KLRG1: variants seen among roughly 807,000 people sequenced by gnomAD.
The protein encoded by KLRG1 is killer cell lectin-like receptor subfamily G member 1.
Under a neutral mutation model 21.8 loss-of-function variants are expected in KLRG1, and 16 were observed. The observed-to-expected ratio is 0.73, with a 90% confidence interval of 0.50 to 1.11. KLRG1 has a LOEUF of 1.11. Among genes scored for constraint, KLRG1 ranks in the 50% most tolerant of loss-of-function variants. The pLI is 0.00. For synonymous variants in KLRG1, 69 were observed against 75.9 expected, an observed-to-expected ratio of 0.91 and a Z score of 0.47; for missense variants, 173 against 218.3, an observed-to-expected ratio of 0.79 and a Z score of 1.31.
the KLRG1 span, among the ~76,000 whole-genome samples, chr12:9,164,428 A>G: frequency 6.6e-6 from 1 of 152,248 alleles, no homozygotes; most frequent in East Asian, 1.9e-4. Context: ...GCAATGATAC[A>G]AATCAAGATT....
At chr12:9,185,062 G>A in the KLRG1 span, among the ~76,000 whole-genome samples, 1 of 152,166 alleles carries the variant, frequency 6.6e-6, no homozygotes, top group Non-Finnish European at 1.5e-5. Flanking sequence ...CTCCAGCAAG[G>A]GTTCTTAATA....
the KLRG1 span, among the ~76,000 whole-genome samples, chr12:9,176,325 CAAG>C: frequency 5.3e-5 from 8 of 152,060 alleles, no homozygotes; most frequent in Admixed American, 3.3e-4. Context: ...GGGAGAGCAT[CAAG>C]AAGAATAACT....
the KLRG1 span, chr12:9,166,094 C>T: frequency 6.2e-7 from 1 of 1,612,606 alleles, no homozygotes; most frequent in Non-Finnish European, 8.5e-7. Flanking sequence ...AGGAAAATAG[C>T]TTCGCACCGT....
At chr12:9,198,652 T>C in the KLRG1 span, among the ~76,000 whole-genome samples, 2 of 152,162 alleles carry the variant, frequency 1.3e-5, no homozygotes, top group African/African-American at 2.4e-5. Flanking sequence ...GTTATATTAG[T>C]CCTTTCTCTG....
At chr12:8,963,717 G>A (rs1359017800) in intron 1 of KLRG1, among the ~76,000 whole-genome samples, 1 of 152,198 alleles carries the variant, frequency 6.6e-6, no homozygotes, top group Non-Finnish European at 1.5e-5. Context: ...TTCAGAGCCT[G>A]TTATTGGTCT....
At chr12:9,109,287 TCC>T in the KLRG1 span, 1 of 1,521,080 alleles carries the variant, frequency 6.6e-7, no homozygotes, top group Non-Finnish European at 9.1e-7. Flanking sequence ...TTTTAAATAA[TCC>T]CCCACAAAAG....
chr12:9,136,081 C>T, the KLRG1 span, among the ~76,000 whole-genome samples: 1 of 152,184 alleles, frequency 6.6e-6, no homozygotes, highest in Non-Finnish European at 1.5e-5. Flanking sequence ...TAAAGACAAG[C>T]TAGCAAACAT....
At chr12:8,985,492 A>G (rs2137304387), upstream of KLRG1, among the ~76,000 whole-genome samples, 1 of 152,218 alleles carries the variant, frequency 6.6e-6, no homozygotes, top group Non-Finnish European at 1.5e-5. Context: ...TCAGGGATTC[A>G]ATATGCAAGA....
At chr12:9,160,981 T>A in the KLRG1 span, 33 of 1,340,512 alleles carry the variant, frequency 2.5e-5, no homozygotes, top group South Asian at 3.7e-4. Context: ...GTAGATAAGA[T>A]GTACAGTGGC....
the KLRG1 span, among the ~76,000 whole-genome samples, chr12:9,033,755 G>A: frequency 3.9e-5 from 6 of 152,240 alleles, no homozygotes; most frequent in Non-Finnish European, 1.5e-5. Context: ...AGGGTAAGGT[G>A]GGGTGGCTTC....
At chr12:9,192,876 A>G in the KLRG1 span, 1 of 560,718 alleles carries the variant, frequency 1.8e-6, no homozygotes, top group Non-Finnish European at 3.1e-6. Flanking sequence ...TCGACAGCCA[A>G]ATAAATGAAT....
chr12:9,197,897 TTA>T, the KLRG1 span, among the ~76,000 whole-genome samples: 1 of 125,398 alleles, frequency 8.0e-6, no homozygotes, highest in Admixed American at 1.0e-4. Context: ...AATATATAAA[TTA>T]TATATATTTA....
chr12:9,130,459 T>C, the KLRG1 span, among the ~76,000 whole-genome samples: 2 of 151,546 alleles, frequency 1.3e-5, no homozygotes, highest in African/African-American at 2.4e-5. Flanking sequence ...CCAACACTTG[T>C]TACTTTCTGT....
At chr12:9,194,779 T>G in the KLRG1 span, among the ~76,000 whole-genome samples, 1 of 152,132 alleles carries the variant, frequency 6.6e-6, no homozygotes, top group Non-Finnish European at 1.5e-5. Flanking sequence ...CAGGGAGATT[T>G]TTAATAACTA....
the KLRG1 span, among the ~76,000 whole-genome samples, chr12:9,120,851 A>ATGTGTGTGTG: frequency 1.4e-4 from 6 of 44,430 alleles, no homozygotes; most frequent in East Asian, 3.3e-3. Flanking sequence ...TATCCCACTA[A>ATGTGTGTGTG]CGTGTGTGTG....
chr12:8,968,734 C>A (rs11048337), intron 1 of KLRG1, among the ~76,000 whole-genome samples: 58,491 of 152,010 alleles, frequency 0.38, 11,971 homozygotes, highest in Middle Eastern at 0.47. Flanking sequence ...AATACATTTA[C>A]AAGGACTGAA....
chr12:9,038,166 C>A, the KLRG1 span, among the ~76,000 whole-genome samples: 2 of 152,264 alleles, frequency 1.3e-5, no homozygotes, highest in East Asian at 3.9e-4. Flanking sequence ...GAGGCTGAGG[C>A]TGGAGACTCG....
chr12:8,965,571 T>A (rs1437665403), intron 1 of KLRG1, among the ~76,000 whole-genome samples: 1 of 150,876 alleles, frequency 6.6e-6, no homozygotes, highest in Non-Finnish European at 1.5e-5. Context: ...AAATCATGAG[T>A]GAACTCCCAT....
the KLRG1 span, chr12:9,160,924 A>G: frequency 1.1e-4 from 106 of 968,962 alleles, no homozygotes; most frequent in African/African-American, 1.5e-3. Flanking sequence ...CAAAAAAATA[A>G]AAAAGAATAG....
Sources: gnomAD v4.1 joint callset for allele counts (sites outside exome capture counted in the v4.1 genomes callset) on GRCh38, gnomAD v4.1.1 for gene constraint, MANE v1.5 for transcripts, NCBI Gene and HGNC (gene_info 2026-07-23, HGNC 2026-07-21) for gene names.